The following ZNF777 variants were observed in gnomAD, a reference collection of about 807,000 sequenced individuals.
ZNF777 encodes the protein zinc finger protein 777.
ZNF777 carries 7 observed loss-of-function variants against 72.1 expected under a neutral mutation model. The observed-to-expected ratio is 0.10, with a 90% CI of 0.06 to 0.18. The LOEUF (loss-of-function observed/expected upper bound fraction) is 0.18. Among genes scored for constraint, ZNF777 ranks in the 10% least tolerant of loss-of-function variants. The probability of loss-of-function intolerance (pLI) is 1.00; values close to 1 mark genes in which losing one functional copy is unlikely to be tolerated. For missense variants in ZNF777, 828 were observed against 1,128.6 expected (o/e 0.73, Z 3.82); for synonymous variants, 545 against 483.5 (o/e 1.13, Z -1.67).
intron 4 of ZNF777, among the ~76,000 whole-genome samples, chr7:149,438,332 A>G (rs1405522365): frequency 6.6e-6 from 1 of 152,214 alleles, no homozygotes; most frequent in Non-Finnish European, 1.5e-5. Context: ...TACACTGTTA[A>G]AAATGCTGTA....
intron 1 of ZNF777, chr7:149,459,806 G>T: frequency 4.1e-6 from 4 of 984,896 alleles, no homozygotes; most frequent in South Asian, 4.7e-5. Context: ...ACGTGCCGGC[G>T]GCTACCCCGA....
chr7:149,454,662 T>A (rs566364994), intron 2 of ZNF777, among the ~76,000 whole-genome samples: 1 of 152,192 alleles, frequency 6.6e-6, no homozygotes, highest in Admixed American at 6.5e-5. Flanking sequence ...AGCAAGCCAG[T>A]CCACACTCAA....
chr7:149,451,053 T>C lies in ZNF777; in HGVS notation c.1033A>G (p.Met345Val). Residue 345 changes from methionine (M) to valine (V), a missense_variant, in exon 4 of 6, where the codon ATG becomes GTG. Coordinates refer to ENST00000247930, the MANE Select transcript of ZNF777 (RefSeq NM_015694.3). ...SQMERGERPT[M>V]QEQEDSEEGE... is the part of the protein sequence containing the mutation. ...TCCTCAGAGTCTTCCTGCTCCTGCA[T>C]GGTGGGCCGCTCCCCGCGCTCCATC... is the stretch of plus-strand genomic sequence containing the variant. 1 of 1,614,012 alleles carries C rather than the reference T, an allele frequency of 6.2e-7. No individual in the cohort carries two copies. The highest frequency in any genetic ancestry group is 8.5e-7 in the Non-Finnish European group (1 of 1,180,018).
chr7:149,435,761 T>C (rs879828561), intron 5 of ZNF777, among the ~76,000 whole-genome samples: 3 of 152,222 alleles, frequency 2.0e-5, no homozygotes, highest in Non-Finnish European at 4.4e-5. Context: ...TCCTATTTTT[T>C]TTTCAGAATA....
At chr7:149,434,483 T>C (rs1799379021) in intron 5 of ZNF777, among the ~76,000 whole-genome samples, 2 of 152,222 alleles carry the variant, frequency 1.3e-5, no homozygotes, top group African/African-American at 2.4e-5. Context: ...CCCTGGTGTT[T>C]ATCCTGAAAA....
Position 149,431,664 on chromosome 7 carries a change from G to C in ZNF777, c.*112C>G, listed in dbSNP as rs955306112. 4.7e-6 allele frequency: 5 copies of C among 1,054,172 alleles called. No homozygotes were observed. The highest frequency in any genetic ancestry group is 6.0e-6 in the Non-Finnish European group (5 of 827,078). 65.3% of individuals were successfully genotyped at this position (1,054,172 alleles called of 1,614,324 possible). A position where few individuals can be genotyped will look rare whatever the true frequency, so the allele number is the denominator to read the frequency against. On this transcript the variant is annotated 3_prime_UTR_variant, in exon 6 of 6. Coordinates refer to ENST00000247930, the MANE Select transcript of ZNF777 (RefSeq NM_015694.3). The stretch of plus-strand genomic sequence containing the variant: ...GGACGAGAGGAGAGGGGGAGCTCAC[G>C]GCAAAGGGGCTGGGGGGCGCCCCGC...
Position 149,431,681 on chromosome 7 carries a change from G to T in ZNF777, c.*95C>A, listed in dbSNP as rs955889366. 22 of 1,130,846 alleles carry T rather than the reference G, an allele frequency of 1.9e-5. No individual in the cohort carries two copies. The highest frequency in any genetic ancestry group is 2.4e-5 in the Non-Finnish European group (22 of 908,282). The allele number at this position is 1,130,846 out of a possible 1,614,324, so 70.1% of individuals were successfully genotyped here. The stretch of plus-strand genomic sequence containing the variant: ...GAGCTCACGGCAAAGGGGCTGGGGG[G>T]CGCCCCGCCCCCGCCCGCTGGGCTC... On this transcript the variant is annotated 3_prime_UTR_variant, in exon 6 of 6. Transcript: ENST00000247930.
chr7:149,444,225 G>A (rs1003495673), intron 4 of ZNF777, among the ~76,000 whole-genome samples: 5 of 151,968 alleles, frequency 3.3e-5, no homozygotes, highest in South Asian at 4.1e-4. Flanking sequence ...TGCCTCCTAC[G>A]CCTGTAAACC....
intron 3 of ZNF777, 86 bp from the exon 4 acceptor site, chr7:149,451,198 C>CAGTCG: frequency 8.3e-7 from 1 of 1,200,056 alleles, no homozygotes; most frequent in Non-Finnish European, 1.2e-6. Context: ...CACGTGATTC[C>CAGTCG]AGGAGCAGCT....
rs762685485 is a variant in ZNF777, at chr7:149,436,783, G to C, written c.1131C>G (p.Asp377Glu). 1.2e-5 allele frequency: 20 copies of C among 1,613,924 alleles called. No homozygotes were observed. In the South Asian group the frequency reaches 2.2e-4, roughly 18 times the overall value. The stretch of plus-strand genomic sequence containing the variant: ...GTGTCTCCAAACTTTCTGAGCCCTC[G>C]TCGTTGGTCTGTACCTCGATCTTAA... ...IVIKIEVQTN[D>E]EGSESLETPE... Residue 377 changes from aspartate (D) to glutamate (E), a missense_variant, in exon 5 of 6, where the codon GAC becomes GAG. Asp to Glu is a conservative substitution (Grantham distance 45, BLOSUM62 2). This residue lies in a region of ZNF777 where 219 missense variants were observed against 223.0 expected (regional missense o/e 0.98). Transcript: ENST00000247930. The surrounding 1 kb of genome is among the most constrained non-coding windows in gnomAD (Gnocchi z 5.0).
chr7:149,448,579 CTATATATA>C (rs57860880), intron 4 of ZNF777, among the ~76,000 whole-genome samples: 4,418 of 114,978 alleles, frequency 0.038, 288 homozygotes, highest in African/African-American at 0.13. Context: ...ATACATATAA[CTATATATA>C]TATATATATA....
rs1024352903 is a variant in ZNF777 at position 149,457,410 on chromosome 7, G to C, written c.-15-1373C>G. Among the ~76,000 whole-genome samples the C allele has an allele frequency of 2.0e-5, 3 of 152,178 alleles. No individual in the cohort carries two copies. In the South Asian group the frequency reaches 6.2e-4, roughly 32 times the overall value. ...TTAATTAAAATTTCAATTTTCTTCC[G>C]TTGAAAATTGGCATAGCCCCAGTGT... On this transcript the variant is annotated intron_variant, in intron 1 of 5. Transcript: ENST00000247930.
chr7:149,448,827 C>T (rs969372649), intron 4 of ZNF777, among the ~76,000 whole-genome samples: 1 of 151,622 alleles, frequency 6.6e-6, no homozygotes, highest in South Asian at 2.1e-4. Flanking sequence ...GAATGGGAGC[C>T]CCTGTTCTGA....
chr7:149,437,799 C>CTT (rs796721387), intron 4 of ZNF777, among the ~76,000 whole-genome samples: 3,198 of 115,310 alleles, frequency 0.028, 136 homozygotes, highest in South Asian at 0.035. Flanking sequence ...ATGTTTGTTT[C>CTT]TTTTTCTTTT....
rs1799408450 is a variant in ZNF777, at chr7:149,436,236, A to G, written c.1339+339T>C. 6.6e-6 allele frequency among the ~76,000 whole-genome samples: 1 copy of G among 152,172 alleles called. No homozygotes were observed. Among genetic ancestry groups the G allele is most frequent in the Non-Finnish European group, 1.5e-5 (1 of 68,024 alleles). On this transcript the variant is annotated intron_variant, in intron 5 of 5. Transcript: ENST00000247930. The surrounding 1 kb of genome is among the most constrained non-coding windows in gnomAD (Gnocchi z 5.0). ...AGGGTGATATGAGATGATCAAGGAC[A>G]CGTTGGGAGAGTTCTAGCTTTGCCA...
At chr7:149,458,428 AAAG>A (rs755052481) in intron 1 of ZNF777, among the ~76,000 whole-genome samples, 7 of 152,078 alleles carry the variant, frequency 4.6e-5, no homozygotes, top group South Asian at 4.1e-4. Flanking sequence ...CTAGCACTAG[AAAG>A]AAGAAGAGGA....
In ZNF777 at chr7:149,455,439, A is replaced by C. The variant is rs1799805981; in HGVS notation, c.584T>G (p.Val195Gly). The C allele has an allele frequency of 6.2e-7, 1 of 1,613,612 alleles. No homozygotes were observed. The highest frequency in any genetic ancestry group is 8.5e-7 in the Non-Finnish European group (1 of 1,179,964). ...GGCCTGGGCCTCCAGCTTCCTCTCC[A>C]CTGCTTGGACGGCAGCCCACACAGC... ...RLAVWAAVQA[V>G]ERKLEAQAMR... Residue 195 changes from valine (V) to glycine (G), a missense_variant, in exon 2 of 6, where the codon GTG (valine) becomes GGG (glycine). By Grantham distance (109) the Val-to-Gly change is moderately radical. Around this residue, in one of 12 missense-constraint regions of ZNF777, gnomAD observed 76 missense variants for 157.3 expected, o/e 0.48. Coordinates refer to ENST00000247930, the MANE Select transcript of ZNF777 (RefSeq NM_015694.3). This position sits in a 1 kb window ranked among gnomAD's most constrained non-coding sequence, Gnocchi z 4.2.
intron 1 of ZNF777, among the ~76,000 whole-genome samples, chr7:149,458,623 C>G (rs951565767): frequency 6.6e-6 from 1 of 152,354 alleles, no homozygotes; most frequent in East Asian, 1.9e-4. Context: ...AAGGAAAATA[C>G]TATTTCTTTG....
intron 4 of ZNF777, among the ~76,000 whole-genome samples, chr7:149,447,056 T>C (rs1799616139): frequency 6.6e-6 from 1 of 152,212 alleles, no homozygotes; most frequent in Admixed American, 6.5e-5. Context: ...TTTCCCGTGA[T>C]TCCTCTGGCT....
Sources: allele counts gnomAD v4.1 joint callset (sites outside exome capture counted in the v4.1 genomes callset), GRCh38; gene constraint gnomAD v4.1.1; regional missense constraint gnomAD v4.1.1; non-coding constraint Gnocchi (gnomAD v3.1); transcripts MANE v1.5; gene names NCBI Gene and HGNC (gene_info 2026-07-23, HGNC 2026-07-21).